The following GRIP1 variants were observed in gnomAD, a reference collection of about 807,000 sequenced individuals.
The protein encoded by GRIP1 is glutamate receptor-interacting protein 1.
Under a neutral mutation model 129.9 loss-of-function variants are expected in GRIP1, and 45 were observed. The ratio of observed to expected loss-of-function variants is 0.35; its 90% confidence interval spans 0.27 to 0.44. The LOEUF is 0.44. Ranked by LOEUF, GRIP1 falls within the 20% of genes least tolerant of loss-of-function variation. GRIP1 has a pLI of 1.00. For synonymous variants in GRIP1, 530 were observed against 520.8 expected (o/e 1.02, Z -0.24); for missense variants, 1,196 against 1,396.8 (o/e 0.86, Z 2.29).
intron 1 of GRIP1, among the ~76,000 whole-genome samples, chr12:67,047,029 AGT>A (rs779680695): frequency 6.6e-5 from 10 of 152,200 alleles, no homozygotes; most frequent in Non-Finnish European, 1.3e-4. Flanking sequence ...TGATCTGTTG[AGT>A]GTAAGTTTTT....
At chr12:66,751,231 T>C (rs1356320806) in intron 1 of GRIP1, among the ~76,000 whole-genome samples, 1 of 152,010 alleles carries the variant, frequency 6.6e-6, no homozygotes, top group Admixed American at 6.6e-5. Flanking sequence ...TGTATCTCCA[T>C]CAACTCTAAA....
At chr12:66,529,948 T>G in intron 4 of GRIP1, 34 bp from the exon 5 acceptor site, 2 of 1,229,102 alleles carry the variant, frequency 1.6e-6, no homozygotes. Flanking sequence ...AAATATAACT[T>G]GTAAGTCATC....
chr12:66,877,225 T>C (rs571043690), intron 1 of GRIP1, among the ~76,000 whole-genome samples: 11 of 152,122 alleles, frequency 7.2e-5, no homozygotes, highest in Non-Finnish European at 1.5e-4. Context: ...CACATCTGAC[T>C]ATTTCATTAG....
chr12:66,470,568 T>C (rs1347247938), intron 7 of GRIP1, among the ~76,000 whole-genome samples: 1 of 152,146 alleles, frequency 6.6e-6, no homozygotes, highest in Admixed American at 6.6e-5. Context: ...GTGGACACGA[T>C]GAAGAGGACA....
At chr12:66,702,432 G>A (rs1161638559) in intron 1 of GRIP1, among the ~76,000 whole-genome samples, 2 of 152,100 alleles carry the variant, frequency 1.3e-5, no homozygotes, top group East Asian at 3.9e-4. Context: ...AATACCTAGA[G>A]TTCTGCTTTC....
intron 1 of GRIP1, among the ~76,000 whole-genome samples, chr12:66,953,442 G>A (rs1272363657): frequency 6.6e-6 from 1 of 152,160 alleles, no homozygotes; most frequent in Non-Finnish European, 1.5e-5. Context: ...CTGTGAATTG[G>A]GTGGCAATGT....
rs117563110 is a variant in GRIP1, at chr12:66,460,346, T to C, written c.1042+2578A>G. On this transcript the variant is annotated intron_variant, in intron 9 of 24. Coordinates refer to ENST00000359742, the MANE Select transcript of GRIP1 (RefSeq NM_001366722.1). ...ACAGAAGTTACTTTTCTTTCTTCTTTCTCTAATTGCAGCCTCTTACTCTGT... is the reference window on the plus strand; with the variant it reads ...ACAGAAGTTACTTTTCTTTCTTCTTCCTCTAATTGCAGCCTCTTACTCTGT... 1.0e-3 allele frequency among the ~76,000 whole-genome samples: 157 copies of C among 152,324 alleles called. 4 individuals carry two copies. In the East Asian group the frequency reaches 0.019, roughly 19 times the overall value.
chr12:66,468,486 G>GT (rs1270173520), intron 7 of GRIP1, among the ~76,000 whole-genome samples: 1 of 152,196 alleles, frequency 6.6e-6, no homozygotes, highest in East Asian at 1.9e-4. Context: ...GTCTTGAACT[G>GT]TTTTTATAAG....
At chr12:66,764,373 T>C (rs2037563651) in intron 1 of GRIP1, among the ~76,000 whole-genome samples, 1 of 152,224 alleles carries the variant, frequency 6.6e-6, no homozygotes, top group African/African-American at 2.4e-5. Flanking sequence ...ATCAGCCAAG[T>C]GCAACCTCAA....
At chr12:66,937,702 G>A (rs914608485) in intron 1 of GRIP1, among the ~76,000 whole-genome samples, 2 of 152,182 alleles carry the variant, frequency 1.3e-5, no homozygotes, top group Admixed American at 6.5e-5. Context: ...TAGGTAAAGT[G>A]GAGATGTGAT....
At chr12:66,521,896 G>A (rs549976440) in intron 5 of GRIP1, among the ~76,000 whole-genome samples, 2 of 152,280 alleles carry the variant, frequency 1.3e-5, no homozygotes, top group South Asian at 2.1e-4. Flanking sequence ...ATGGAGTCTC[G>A]CTGATTGCTA....
At chr12:66,635,612 C>T (rs1442957533) in intron 1 of GRIP1, among the ~76,000 whole-genome samples, 1 of 151,872 alleles carries the variant, frequency 6.6e-6, no homozygotes, top group African/African-American at 2.4e-5. Context: ...ATATTAAGGG[C>T]TTCTACTCAA....
intron 7 of GRIP1, among the ~76,000 whole-genome samples, chr12:66,468,025 T>C (rs2059335071): frequency 6.6e-6 from 1 of 152,250 alleles, no homozygotes; most frequent in African/African-American, 2.4e-5. Flanking sequence ...AGGTGTTCCC[T>C]GATATCTCAT....
intron 7 of GRIP1, among the ~76,000 whole-genome samples, chr12:66,492,233 A>G (rs1002687875): frequency 2.0e-5 from 3 of 152,180 alleles, no homozygotes; most frequent in Non-Finnish European, 4.4e-5. Context: ...ATGAATACCA[A>G]CCACTCAGAT....
At chr12:66,456,553 C>T (rs931823978) in intron 9 of GRIP1, among the ~76,000 whole-genome samples, 2 of 151,836 alleles carry the variant, frequency 1.3e-5, no homozygotes, top group African/African-American at 4.8e-5. Flanking sequence ...TTTCATCTTC[C>T]CAAGAATAAT....
chr12:66,801,915 G>A (rs935994848), intron 1 of GRIP1, among the ~76,000 whole-genome samples: 8 of 152,132 alleles, frequency 5.3e-5, no homozygotes, highest in East Asian at 3.9e-4. Context: ...GGGTATAAAC[G>A]TTTAAATTAT....
At chr12:66,547,483 T>C (rs2061982230) in intron 2 of GRIP1, among the ~76,000 whole-genome samples, 1 of 152,190 alleles carries the variant, frequency 6.6e-6, no homozygotes, top group Non-Finnish European at 1.5e-5. Context: ...TGAATAATTA[T>C]CACAGCCTTA....
At chr12:66,364,546 T>A (rs2055023034) in intron 23 of GRIP1, among the ~76,000 whole-genome samples, 1 of 152,060 alleles carries the variant, frequency 6.6e-6, no homozygotes, top group South Asian at 2.1e-4. Context: ...CAAAGTAAAT[T>A]AACAGTTTAT....
intron 1 of GRIP1, among the ~76,000 whole-genome samples, chr12:67,031,434 A>G (rs1308495176): frequency 6.6e-6 from 1 of 152,082 alleles, no homozygotes; most frequent in African/African-American, 2.4e-5. Flanking sequence ...GGCCTTCCTC[A>G]CTAGACACCA....
Sources: allele counts gnomAD v4.1 joint callset (sites outside exome capture counted in the v4.1 genomes callset), GRCh38; gene constraint gnomAD v4.1.1; transcripts MANE v1.5; gene names NCBI Gene and HGNC (gene_info 2026-07-23, HGNC 2026-07-21).